RBMS1: variants seen among roughly 807,000 people sequenced by gnomAD.
The protein encoded by RBMS1 is RNA-binding motif, single-stranded-interacting protein 1.
Under a neutral mutation model 62.3 loss-of-function variants are expected in RBMS1, and 17 were observed. The ratio of observed to expected loss-of-function variants is 0.27; its 90% CI spans 0.19 to 0.41. RBMS1 has a LOEUF of 0.41. Among genes scored for constraint, RBMS1 ranks in the 10% least tolerant of loss-of-function variants. RBMS1 has a pLI of 1.00. For synonymous variants in RBMS1, 172 were observed against 170.0 expected (o/e 1.01, Z -0.09); for missense variants, 334 against 504.5 (o/e 0.66, Z 3.24).
At chr2:160,372,885 A>T in intron 1 of RBMS1, among the ~76,000 whole-genome samples, 1 of 152,194 alleles carries the variant, frequency 6.6e-6, no homozygotes. Context: ...GGATGTTAAA[A>T]AACACATAGC....
intron 1 of RBMS1, among the ~76,000 whole-genome samples, chr2:160,490,842 A>C (rs143175023): frequency 1.3e-5 from 2 of 152,300 alleles, no homozygotes; most frequent in Non-Finnish European, 2.9e-5. Flanking sequence ...TTTTTGATAT[A>C]GCTTCCAAAC....
At chr2:160,307,554 TGTGA>T (rs1689607811) in intron 4 of RBMS1, among the ~76,000 whole-genome samples, 1 of 152,212 alleles carries the variant, frequency 6.6e-6, no homozygotes, top group Admixed American at 6.5e-5. Context: ...TTTTATAGAA[TGTGA>T]GTCTTTTATT....
At chr2:160,327,043 G>A (rs762758071) in intron 2 of RBMS1, among the ~76,000 whole-genome samples, 11 of 152,190 alleles carry the variant, frequency 7.2e-5, no homozygotes, top group Non-Finnish European at 1.3e-4. Flanking sequence ...ATCCTCATGT[G>A]GTCTAACTCT....
intron 4 of RBMS1, 79 bp downstream of exon 4, chr2:160,313,077 G>A: frequency 1.5e-6 from 2 of 1,352,142 alleles, no homozygotes; most frequent in Non-Finnish European, 2.1e-6. Context: ...GATTACAGAT[G>A]CAGATAGAAA....
chr2:160,423,876 G>T (rs1445842767), intron 1 of RBMS1, among the ~76,000 whole-genome samples: 1 of 152,036 alleles, frequency 6.6e-6, no homozygotes, highest in African/African-American at 2.4e-5. Context: ...TTGTACTTTG[G>T]TTCTATCTAT....
rs145098727 is a variant in RBMS1, at chr2:160,292,652, G to A, written c.641-5568C>T. On this transcript the variant is annotated intron_variant, in intron 6 of 13. Transcript: ENST00000348849. ...TAACACCTACAACTTCTACCCAAGA[G>A]CCTTGTGCTTTAATAAAATCTTACT... 3.8e-3 allele frequency among the ~76,000 whole-genome samples: 577 copies of A among 152,318 alleles called. 1 individual carries two copies. The highest frequency in any genetic ancestry group is 6.6e-3 in the Non-Finnish European group (448 of 68,028).
chr2:160,407,499 C>T, intron 1 of RBMS1: 1 of 986,084 alleles, frequency 1.0e-6, no homozygotes. Flanking sequence ...TTGCTGCTGC[C>T]CCCGGGGTTG....
intron 1 of RBMS1, chr2:160,493,068 C>T (rs527267638): frequency 7.7e-6 from 4 of 519,338 alleles, no homozygotes; most frequent in African/African-American, 6.1e-5. Context: ...TCTCTCCCCC[C>T]GCGGCTTTCT....
chr2:160,355,642 T>A (rs964778662), intron 2 of RBMS1, among the ~76,000 whole-genome samples: 4 of 151,974 alleles, frequency 2.6e-5, no homozygotes, highest in Non-Finnish European at 5.9e-5. Flanking sequence ...ATTCCCCCCA[T>A]CATGGCATCA....
At position 160,360,905 on chromosome 2, in the gene RBMS1, T is replaced by C. The variant is rs116007424; in HGVS notation, c.251+6311A>G. 8.0e-3 allele frequency among the ~76,000 whole-genome samples: 1,211 copies of C among 152,300 alleles called. 12 individuals are homozygous for C. The highest frequency in any genetic ancestry group is 0.026 in the African/African-American group (1,099 of 41,576). On this transcript the variant is annotated intron_variant, in intron 2 of 13. Coordinates refer to ENST00000348849, the MANE Select transcript of RBMS1 (RefSeq NM_016836.4). Reference sequence around the variant, plus strand: ...TGTGTTCAAAAGCACAAGGAAAACTTACAGAGAAAATAAAACATAGGGACA... The same window carrying C: ...TGTGTTCAAAAGCACAAGGAAAACTCACAGAGAAAATAAAACATAGGGACA...
chr2:160,453,446 T>G (rs1229257428), intron 1 of RBMS1, among the ~76,000 whole-genome samples: 5 of 152,184 alleles, frequency 3.3e-5, no homozygotes, highest in Non-Finnish European at 7.3e-5. Flanking sequence ...TTTTATAATT[T>G]TCTGCATTTT....
intron 2 of RBMS1, among the ~76,000 whole-genome samples, chr2:160,324,007 C>G (rs1412246718): frequency 6.6e-6 from 1 of 152,174 alleles, no homozygotes; most frequent in East Asian, 1.9e-4. Flanking sequence ...TCAGTTTGCA[C>G]TTAGTATATA....
At chr2:160,493,247 G>A (rs1559620306) in intron 1 of RBMS1, 42 bp downstream of exon 1, 5 of 1,584,758 alleles carry the variant, frequency 3.2e-6, no homozygotes, top group East Asian at 2.2e-5. Context: ...GCGTCCCCGG[G>A]CCCCCTCCTC....
intron 6 of RBMS1, among the ~76,000 whole-genome samples, chr2:160,290,146 G>C (rs930966406): frequency 6.9e-6 from 1 of 145,734 alleles, no homozygotes; most frequent in Non-Finnish European, 1.5e-5. Context: ...GTAGTCCCTA[G>C]TTTGCCTTTT....
intron 6 of RBMS1, among the ~76,000 whole-genome samples, chr2:160,287,586 T>C (rs1490183801): frequency 6.6e-6 from 1 of 152,266 alleles, no homozygotes; most frequent in African/African-American, 2.4e-5. Flanking sequence ...TTGGTGAGTA[T>C]GTTTACTTGC....
At chr2:160,398,827 C>T (rs969552178) in intron 1 of RBMS1, among the ~76,000 whole-genome samples, 2 of 152,102 alleles carry the variant, frequency 1.3e-5, no homozygotes, top group African/African-American at 4.8e-5. Context: ...GGTCTATTCC[C>T]GAGACCTTCC....
At chr2:160,306,857 A>C (rs1689556629) in intron 4 of RBMS1, among the ~76,000 whole-genome samples, 1 of 152,162 alleles carries the variant, frequency 6.6e-6, no homozygotes, top group East Asian at 1.9e-4. Flanking sequence ...AGGATAGTTT[A>C]GTATCTTTAA....
At chr2:160,449,683 C>T (rs942026846) in intron 1 of RBMS1, among the ~76,000 whole-genome samples, 10 of 152,152 alleles carry the variant, frequency 6.6e-5, no homozygotes, top group Non-Finnish European at 1.2e-4. Flanking sequence ...GGGACACAAA[C>T]ACTGCGGAAG....
chr2:160,411,202 G>A (rs1319922725), intron 1 of RBMS1, among the ~76,000 whole-genome samples: 1 of 152,180 alleles, frequency 6.6e-6, no homozygotes, highest in Non-Finnish European at 1.5e-5. Context: ...CTGAAAAAAT[G>A]AGCAGGACCA....
Sources: gnomAD v4.1 joint callset for allele counts (sites outside exome capture counted in the v4.1 genomes callset) on GRCh38, gnomAD v4.1.1 for gene constraint, MANE v1.5 for transcripts, NCBI Gene and HGNC (gene_info 2026-07-23, HGNC 2026-07-21) for gene names.